ELP1: variants seen among roughly 807,000 people sequenced by gnomAD.
ELP1 encodes the protein elongator complex protein 1.
Under a neutral mutation model 183.2 loss-of-function variants are expected in ELP1, and 131 were observed. The observed-to-expected ratio is 0.72, with a 90% CI of 0.62 to 0.83. ELP1 has a LOEUF of 0.83. ELP1 is among the 40% of genes least tolerant of loss of function. The pLI, the probability that ELP1 is intolerant of heterozygous loss-of-function variation, is 0.00. For missense variants in ELP1, 1,550 were observed against 1,594.9 expected, an observed-to-expected ratio of 0.97 and a Z score of 0.48; for synonymous variants, 555 against 569.0, an observed-to-expected ratio of 0.98 and a Z score of 0.35.
At chr9:108,873,910 G>A (rs750814283) in intron 36 of ELP1, among the ~76,000 whole-genome samples, 50 of 147,924 alleles carry the variant, frequency 3.4e-4, no homozygotes, top group Non-Finnish European at 5.9e-4. Context: ...TGGATATGTC[G>A]AAACTGATAC....
chr9:108,895,767 G>A (rs530704472), intron 25 of ELP1, among the ~76,000 whole-genome samples: 12 of 152,278 alleles, frequency 7.9e-5, no homozygotes, highest in African/African-American at 2.9e-4. Context: ...TACCAGTGGT[G>A]TTCAAAGTTT....
In ELP1 at chr9:108,934,090, G is replaced by A. The variant is rs1424840440; in HGVS notation, c.-282C>T. On this transcript the variant is annotated 5_prime_UTR_variant, in exon 1 of 37. Transcript: ENST00000374647. ...TGCAAAGAAGCCAGCGACTCAATGG[G>A]TGCGTCAACTAGGCAGCCGCAGCAC... 1 of 200,084 alleles carries A rather than the reference G, an allele frequency of 5.0e-6. No homozygotes were observed. The highest frequency in any genetic ancestry group is 1.0e-5 in the Non-Finnish European group (1 of 97,192). 12.4% of individuals were successfully genotyped at this position (200,084 alleles called of 1,614,324 possible).
chr9:108,874,522 G>T (rs1159838994), intron 36 of ELP1, among the ~76,000 whole-genome samples: 1 of 152,148 alleles, frequency 6.6e-6, no homozygotes, highest in Admixed American at 6.5e-5. Context: ...CCCCCAAGAT[G>T]CAAAGCATAA....
chr9:108,877,564 T>C (rs917663393), intron 35 of ELP1, among the ~76,000 whole-genome samples: 10 of 152,100 alleles, frequency 6.6e-5, no homozygotes, highest in Admixed American at 3.9e-4. Context: ...CATAACAACA[T>C]AGAAGTGACA....
At chr9:108,879,581 GATGAAAACACTGCCTGCT>G in intron 32 of ELP1, 24 bp from the exon 33 acceptor site, 1 of 1,535,564 alleles carries the variant, frequency 6.5e-7, no homozygotes, top group Non-Finnish European at 9.0e-7. Context: ...ACCAGAAGCC[GATGAAAACACTGCCTGCT>G]AATGTGTGGG....
Position 108,897,276 on chromosome 9 carries a change from ATCT to A in ELP1, c.2370_2372del (p.Glu790del), listed in dbSNP as rs750344128. On this transcript the variant is annotated inframe_deletion, in exon 23 of 37. Coordinates refer to ENST00000374647, the MANE Select transcript of ELP1 (RefSeq NM_003640.5). ...GTGCAGGGTACATGGTCTTCGTGAC[ATCT>A]TCTTCTCTAAGAACAGGTGTGTATG... 6.2e-7 allele frequency: 1 copy of A among 1,614,146 alleles called. No homozygotes were observed. Among genetic ancestry groups the A allele is most frequent in the East Asian group, 2.2e-5 (1 of 44,884 alleles).
At position 108,903,578 on chromosome 9, in the gene ELP1, A is replaced by G. The variant is rs199555804; in HGVS notation, c.1735T>C (p.Phe579Leu). The change falls in exon 15 of 37, where the codon TTT becomes CTT. Residue 579 changes from phenylalanine to leucine, a missense_variant. Physicochemically the swap from Phe to Leu is conservative, Grantham distance 22. Coordinates refer to ENST00000374647, the MANE Select transcript of ELP1 (RefSeq NM_003640.5). ...TGATACTCACCCCAAAGGTACTTAA[A>G]TATCTGGCCATCAGCCAGCTGTAAT... is the stretch of plus-strand genomic sequence containing the variant. ...VVLQLADGQI[F>L]KYLWESPSLA... 6.8e-6 allele frequency: 11 copies of G among 1,611,972 alleles called. No individual in the cohort carries two copies. The East Asian group carries it at 2.2e-4, about 33-fold the overall frequency.
Position 108,899,824 on chromosome 9 carries a change from G to A in ELP1, c.2202C>T (p.Asp734=). The A allele has an allele frequency of 6.2e-7, 1 of 1,613,282 alleles. No individual in the cohort carries two copies. Among genetic ancestry groups the A allele is most frequent in the Non-Finnish European group, 8.5e-7 (1 of 1,179,286 alleles). The change falls in exon 20 of 37, where the codon GAC becomes GAT. Residue 734 remains aspartate, a splice_region_variant and synonymous_variant. Coordinates refer to ENST00000374647, the MANE Select transcript of ELP1 (RefSeq NM_003640.5). ...GCAAACAGTACAATGGCACTTACTT[G>A]TCCAACCACTTCCGAATCTGAGCTA... ...LVLAQIRKWL[D]KLMFKEAFEC...
At chr9:108,869,956 G>A (rs1249788831) in intron 36 of ELP1, among the ~76,000 whole-genome samples, 1 of 152,118 alleles carries the variant, frequency 6.6e-6, no homozygotes, top group African/African-American at 2.4e-5. Flanking sequence ...CCCCTGCACA[G>A]TCAAAAATCT....
chr9:108,887,765 T>C (rs1036474829), intron 29 of ELP1, among the ~76,000 whole-genome samples: 1 of 152,172 alleles, frequency 6.6e-6, no homozygotes, highest in African/African-American at 2.4e-5. Flanking sequence ...AGTTGTTACG[T>C]AGCAATAGAT....
At position 108,878,671 on chromosome 9, in the gene ELP1, G is replaced by C. The variant is rs754920127; in HGVS notation, c.3652C>G (p.Leu1218Val). Residue 1218 changes from leucine to valine, a missense_variant, in exon 34 of 37, where the codon CTC (leucine) becomes GTC (valine). Physicochemically the swap from Leu to Val is conservative, Grantham distance 32. Transcript: ENST00000374647. Reference sequence around the variant, plus strand: ...ACCACTTCACTCAGTGCCTCCAGGAGGGCCAGGTCCTCCAGCGGACTGCCT... The same window carrying C: ...ACCACTTCACTCAGTGCCTCCAGGACGGCCAGGTCCTCCAGCGGACTGCCT... ...KEGSPLEDLA[L>V]LEALSEVVQN... The C allele has an allele frequency of 6.2e-7, 1 of 1,614,214 alleles. No individual in the cohort carries two copies. The highest frequency in any genetic ancestry group is 8.5e-7 in the Non-Finnish European group (1 of 1,180,036).
At chr9:108,907,143 T>A (rs1829051715) in intron 13 of ELP1, among the ~76,000 whole-genome samples, 1 of 152,134 alleles carries the variant, frequency 6.6e-6, no homozygotes, top group Admixed American at 6.6e-5. Context: ...CCATGGAGGA[T>A]CAGTCCCACC....
At chr9:108,869,920 T>C (rs1827377234) in intron 36 of ELP1, among the ~76,000 whole-genome samples, 1 of 152,176 alleles carries the variant, frequency 6.6e-6, no homozygotes, top group Non-Finnish European at 1.5e-5. Context: ...AGTTGATCCT[T>C]GAATGTAGGG....
chr9:108,878,733 C>A lies in ELP1; in HGVS notation c.3590G>T (p.Arg1197Leu), dbSNP rs886063345. 3.7e-6 allele frequency: 6 copies of A among 1,614,130 alleles called. No homozygotes were observed. Among genetic ancestry groups the A allele is most frequent in the Non-Finnish European group, 5.1e-6 (6 of 1,180,026 alleles). The change falls in exon 34 of 37, where the codon CGC becomes CTC. Residue 1197 changes from arginine to leucine, a missense_variant. Physicochemically the swap from Arg to Leu is moderately radical, Grantham distance 102. Transcript: ENST00000374647. ...GTGCTTCTTCCGCTCCGCTTTTCGG[C>A]GATTCTTGGATGATCTCCTGTTAGA... ...SRISARSSKN[R>L]RKAERKKHSL... is the part of the protein sequence containing the mutation.
intron 12 of ELP1, 60 bp from the exon 13 acceptor site, chr9:108,908,464 G>C: frequency 2.4e-6 from 3 of 1,261,460 alleles, no homozygotes; most frequent in Non-Finnish European, 3.5e-6. Flanking sequence ...CTAATACTAA[G>C]GGGATGGTGT....
chr9:108,868,779 CT>C lies in ELP1; in HGVS notation c.*335del, dbSNP rs1827327565. 1.8e-6 allele frequency: 1 copy of C among 566,286 alleles called. No homozygotes were observed. The highest frequency in any genetic ancestry group is 1.9e-5 in the African/African-American group (1 of 53,470). 35.1% of individuals were successfully genotyped at this position (566,286 alleles called of 1,614,324 possible). A position where few individuals can be genotyped will look rare whatever the true frequency, so the allele number is the denominator to read the frequency against. On this transcript the variant is annotated 3_prime_UTR_variant, in exon 37 of 37. Coordinates refer to ENST00000374647, the MANE Select transcript of ELP1 (RefSeq NM_003640.5). ...AAGACAATTTAGAAACATTGTTTTACTTGTCTTCACACTTTGGAGGTAGAAA... is the reference window on the plus strand; with the variant it reads ...AAGACAATTTAGAAACATTGTTTTACTGTCTTCACACTTTGGAGGTAGAAA...
At chr9:108,917,145 T>A (rs967661949) in intron 9 of ELP1, among the ~76,000 whole-genome samples, 2 of 152,238 alleles carry the variant, frequency 1.3e-5, no homozygotes, top group East Asian at 3.8e-4. Flanking sequence ...ACTCTAAAGC[T>A]ACTATTTATA....
chr9:108,917,488 C>T, intron 9 of ELP1, 59 bp downstream of exon 9: 1 of 1,451,842 alleles, frequency 6.9e-7, no homozygotes, highest in South Asian at 1.2e-5. Flanking sequence ...AAAAAAAATT[C>T]CCTCTATAGC....
intron 35 of ELP1, among the ~76,000 whole-genome samples, chr9:108,877,243 G>C (rs962863490): frequency 6.6e-6 from 1 of 152,170 alleles, no homozygotes; most frequent in African/African-American, 2.4e-5. Context: ...CAGCTAGAGG[G>C]TAAAGCTGCT....
Sources: gnomAD v4.1 joint callset for allele counts (sites outside exome capture counted in the v4.1 genomes callset) on GRCh38, gnomAD v4.1.1 for gene constraint, MANE v1.5 for transcripts, NCBI Gene and HGNC (gene_info 2026-07-23, HGNC 2026-07-21) for gene names.